The following MCF2L2 variants were observed in gnomAD, a reference collection of about 807,000 sequenced individuals.
The protein encoded by MCF2L2 is probable guanine nucleotide exchange factor MCF2L2.
MCF2L2 carries 102 observed loss-of-function variants against 150.2 expected under a neutral mutation model. That is an observed-to-expected ratio of 0.68 (90% CI 0.58 to 0.80). The LOEUF (loss-of-function observed/expected upper bound fraction) is 0.80, where lower values mean the gene tolerates loss of function less well. Ranked by LOEUF, MCF2L2 falls within the 30% of genes least tolerant of loss-of-function variation. The probability of loss-of-function intolerance (pLI) is 0.00; values close to 1 mark genes in which losing one functional copy is unlikely to be tolerated. For synonymous variants in MCF2L2, 465 were observed against 491.3 expected (o/e 0.95, Z 0.71); for missense variants, 1,256 against 1,372.8 (o/e 0.91, Z 1.34).
intron 15 of MCF2L2, among the ~76,000 whole-genome samples, chr3:183,247,255 T>G (rs1724299901): frequency 6.6e-6 from 1 of 152,184 alleles, no homozygotes; most frequent in Non-Finnish European, 1.5e-5. Flanking sequence ...ATTGAAACAG[T>G]GCCCACTTTT....
chr3:183,209,484 T>A (rs1722612198), intron 22 of MCF2L2, among the ~76,000 whole-genome samples: 1 of 151,978 alleles, frequency 6.6e-6, no homozygotes, highest in African/African-American at 2.4e-5. Flanking sequence ...CGCACAAAAT[T>A]ATTTTTTATT....
intron 5 of MCF2L2, among the ~76,000 whole-genome samples, chr3:183,330,091 A>G (rs1291113727): frequency 6.6e-6 from 1 of 151,656 alleles, no homozygotes; most frequent in African/African-American, 2.4e-5. Flanking sequence ...AATTAAAAAA[A>G]AAAATCAGCC....
At position 183,228,295 on chromosome 3, in the gene MCF2L2, A is replaced by G. The variant is rs775858978; in HGVS notation, c.2115+2T>C. ...GATTATTTACTGGGAGTACAGACTT[A>G]CTCTCTTGAGAAAGCAATGTGCCAG... is the stretch of plus-strand genomic sequence containing the variant. On this transcript the variant is annotated splice_donor_variant, in intron 18 of 29. Coordinates refer to ENST00000328913, the MANE Select transcript of MCF2L2 (RefSeq NM_015078.4). LOFTEE classifies it high-confidence loss of function. 1 of 1,611,034 alleles carries G rather than the reference A, an allele frequency of 6.2e-7. No individual in the cohort carries two copies. The highest frequency in any genetic ancestry group is 8.5e-7 in the Non-Finnish European group (1 of 1,177,440).
intron 14 of MCF2L2, among the ~76,000 whole-genome samples, chr3:183,285,706 G>C (rs1206128395): frequency 6.6e-6 from 1 of 151,960 alleles, no homozygotes; most frequent in African/African-American, 2.4e-5. Context: ...TCCTGAAAAG[G>C]CTTTTGTTAC....
chr3:183,218,744 C>CA (rs908690032), intron 21 of MCF2L2, among the ~76,000 whole-genome samples: 5 of 152,124 alleles, frequency 3.3e-5, no homozygotes, highest in Admixed American at 2.0e-4. Flanking sequence ...CACCTCTTCC[C>CA]ATCCCCCTTC....
At chr3:183,186,664 T>C (rs948649290) in intron 27 of MCF2L2, among the ~76,000 whole-genome samples, 2 of 152,132 alleles carry the variant, frequency 1.3e-5, no homozygotes, top group African/African-American at 4.8e-5. Flanking sequence ...GAGGTGGAGG[T>C]TGCAGTGAGC....
chr3:183,185,055 C>T (rs934947294), intron 27 of MCF2L2, among the ~76,000 whole-genome samples: 15 of 152,064 alleles, frequency 9.9e-5, no homozygotes, highest in Non-Finnish European at 2.2e-4. Context: ...TAGCTGGGGA[C>T]TACAGGCGCA....
chr3:183,196,793 T>C lies in MCF2L2; in HGVS notation c.2885-1538A>G, dbSNP rs544948204. ...ACCTCTGGGCCTTTCAGTTCAGTAG[T>C]GTTTTCTTTTTATCTAAACCACGTG... is the stretch of plus-strand genomic sequence containing the variant. On this transcript the variant is annotated intron_variant, in intron 25 of 29. Coordinates refer to ENST00000328913, the MANE Select transcript of MCF2L2 (RefSeq NM_015078.4). Among the ~76,000 whole-genome samples the C allele has an allele frequency of 3.9e-5, 6 of 152,296 alleles. No homozygotes were observed. In the South Asian group the frequency reaches 1.0e-3, roughly 26 times the overall value.
chr3:183,355,348 T>G (rs2108558106), intron 3 of MCF2L2, among the ~76,000 whole-genome samples: 1 of 152,044 alleles, frequency 6.6e-6, no homozygotes, highest in African/African-American at 2.4e-5. Context: ...CTTGAAGGCC[T>G]CTTAGAGGCA....
rs112956423 is a variant in MCF2L2 at position 183,276,824 on chromosome 3, A to G, written c.1862+48T>C. 5.5e-3 allele frequency: 7,473 copies of G among 1,356,930 alleles called. 304 individuals carry two copies. The African/African-American group carries it at 0.088, about 16-fold the overall frequency. The allele number at this position is 1,356,930 out of a possible 1,614,324, so 84.1% of individuals were successfully genotyped here. A position where few individuals can be genotyped will look rare whatever the true frequency, so the allele number is the denominator to read the frequency against. On this transcript the variant is annotated intron_variant, in intron 15 of 29. Transcript: ENST00000328913. ...GTAAAAGAGAGGATCCTCGCCACCC[A>G]TGCCCCGCACCCCCTCGCCCCCTGC...
intron 5 of MCF2L2, among the ~76,000 whole-genome samples, chr3:183,327,273 C>T (rs578212816): frequency 3.4e-4 from 51 of 151,758 alleles, no homozygotes; most frequent in Non-Finnish European, 6.0e-4. Context: ...TGCAGTGAGC[C>T]GAGAGAGCAC....
At chr3:183,365,583 T>C (rs1712473725) in intron 3 of MCF2L2, among the ~76,000 whole-genome samples, 1 of 152,204 alleles carries the variant, frequency 6.6e-6, no homozygotes, top group African/African-American at 2.4e-5. Flanking sequence ...AAAGATAAAC[T>C]TGGATCTATA....
At chr3:183,200,074 T>G (rs1459221080) in intron 25 of MCF2L2, among the ~76,000 whole-genome samples, 4 of 152,166 alleles carry the variant, frequency 2.6e-5, no homozygotes. Context: ...TGAATAGTGC[T>G]GCAATAAACA....
chr3:183,214,847 T>C (rs78052835), intron 22 of MCF2L2, among the ~76,000 whole-genome samples: 1 of 150,060 alleles, frequency 6.7e-6, no homozygotes, highest in Non-Finnish European at 1.5e-5. Context: ...AAAAAAAAAT[T>C]AGCAAGGTGT....
At chr3:183,370,696 C>T (rs1304938485) in intron 3 of MCF2L2, among the ~76,000 whole-genome samples, 1 of 152,200 alleles carries the variant, frequency 6.6e-6, no homozygotes. Context: ...CATCAGACCC[C>T]TAGTTTTTAA....
chr3:183,390,013 G>C (rs1714051767), intron 1 of MCF2L2, among the ~76,000 whole-genome samples: 1 of 152,140 alleles, frequency 6.6e-6, no homozygotes, highest in Admixed American at 6.5e-5. Flanking sequence ...CCCCTACCAA[G>C]GCTTTGGGAG....
intron 1 of MCF2L2, among the ~76,000 whole-genome samples, chr3:183,407,697 G>A (rs1450426379): frequency 2.0e-5 from 3 of 152,120 alleles, no homozygotes. Flanking sequence ...TTTGTGTAGT[G>A]GAATTTTCCT....
At chr3:183,338,776 G>C (rs183243016) in intron 5 of MCF2L2, 24 bp downstream of exon 5, 2 of 1,585,334 alleles carry the variant, frequency 1.3e-6, no homozygotes, top group African/African-American at 2.7e-5. Flanking sequence ...AACCAAATGA[G>C]ACAAGATGAA....
chr3:183,243,627 G>A (rs918155905), intron 15 of MCF2L2, among the ~76,000 whole-genome samples: 14 of 152,134 alleles, frequency 9.2e-5, no homozygotes, highest in South Asian at 2.1e-4. Flanking sequence ...AACCAACTTC[G>A]TTATATTCCT....
Sources: allele counts gnomAD v4.1 joint callset (sites outside exome capture counted in the v4.1 genomes callset), GRCh38; gene constraint gnomAD v4.1.1; transcripts MANE v1.5; gene names NCBI Gene and HGNC (gene_info 2026-07-23, HGNC 2026-07-21).